FSTL5: variants seen among roughly 807,000 people sequenced by gnomAD.
The protein encoded by FSTL5 is follistatin like 5.
A neutral mutation model predicts 89.1 loss-of-function variants in FSTL5; 62 were observed. The ratio of observed to expected loss-of-function variants is 0.70; its 90% CI spans 0.57 to 0.86. The LOEUF (loss-of-function observed/expected upper bound fraction) is 0.86. Among genes scored for constraint, FSTL5 ranks in the 40% least tolerant of loss-of-function variants. FSTL5 has a pLI of 0.00. For missense variants in FSTL5, 1,057 were observed against 1,001.6 expected (o/e 1.06, Z -0.75); for synonymous variants, 383 against 346.2 (o/e 1.11, Z -1.18).
chr4:161,493,725 G>A (rs546895846), intron 12 of FSTL5, among the ~76,000 whole-genome samples: 70 of 152,028 alleles, frequency 4.6e-4, no homozygotes, highest in Middle Eastern at 3.4e-3. Context: ...TAAAGCGTGC[G>A]GAATGCACTT....
intron 4 of FSTL5, among the ~76,000 whole-genome samples, chr4:161,801,354 C>A (rs1729786102): frequency 6.6e-6 from 1 of 151,394 alleles, no homozygotes; most frequent in South Asian, 2.1e-4. Flanking sequence ...TCATTCAATG[C>A]ATATTTATTT....
intron 7 of FSTL5, among the ~76,000 whole-genome samples, chr4:161,600,975 C>T (rs538103865): frequency 1.4e-4 from 22 of 152,084 alleles, no homozygotes; most frequent in South Asian, 8.3e-4. Context: ...GACAAGACAC[C>T]GGCAATTATT....
chr4:162,118,858 C>G lies in FSTL5; in HGVS notation c.-16-7446G>C, dbSNP rs1731750055. 2.6e-5 allele frequency among the ~76,000 whole-genome samples: 4 copies of G among 151,508 alleles called. No homozygotes were observed. In the South Asian group the frequency reaches 8.4e-4, roughly 32 times the overall value. On this transcript the variant is annotated intron_variant, in intron 1 of 15. Transcript: ENST00000306100. The stretch of plus-strand genomic sequence containing the variant: ...AAGTATTATTGCCTATATATGACTA[C>G]CATAAAGAAAAATAAAAGCTTATAC...
chr4:162,130,202 A>T (rs1208565147), intron 1 of FSTL5, among the ~76,000 whole-genome samples: 1 of 152,152 alleles, frequency 6.6e-6, no homozygotes, highest in Non-Finnish European at 1.5e-5. Flanking sequence ...TTTTGTTTTC[A>T]CTGTCTATGT....
At chr4:161,456,704 T>C (rs1316926824) in intron 14 of FSTL5, among the ~76,000 whole-genome samples, 1 of 152,226 alleles carries the variant, frequency 6.6e-6, no homozygotes, top group Non-Finnish European at 1.5e-5. Flanking sequence ...CAATTATCCA[T>C]GAACATTTTG....
intron 2 of FSTL5, among the ~76,000 whole-genome samples, chr4:162,062,300 A>G (rs142095476): frequency 0.015 from 2,316 of 152,064 alleles, 24 homozygotes; most frequent in Middle Eastern, 0.027. Context: ...TTGAATATGA[A>G]TATATACTAG....
chr4:161,606,826 T>C (rs536488882), intron 7 of FSTL5, among the ~76,000 whole-genome samples: 1 of 152,232 alleles, frequency 6.6e-6, no homozygotes, highest in Non-Finnish European at 1.5e-5. Context: ...TAAATTGCAT[T>C]ACAAGCAAAA....
chr4:162,006,096 CTTTT>C (rs879594907), intron 3 of FSTL5, among the ~76,000 whole-genome samples: 4 of 151,560 alleles, frequency 2.6e-5, no homozygotes, highest in African/African-American at 9.7e-5. Context: ...ATAACATAGG[CTTTT>C]TTTTTAAAAT....
chr4:161,620,835 T>C (rs746191074), intron 7 of FSTL5, among the ~76,000 whole-genome samples: 19 of 152,170 alleles, frequency 1.2e-4, no homozygotes, highest in Non-Finnish European at 2.2e-4. Context: ...AAAGATCTCA[T>C]GATTTAAAAT....
At chr4:161,816,469 AACATTTAT>A (rs1730329642) in intron 4 of FSTL5, among the ~76,000 whole-genome samples, 1 of 152,194 alleles carries the variant, frequency 6.6e-6, no homozygotes, top group Non-Finnish European at 1.5e-5. Context: ...CACACGATGT[AACATTTAT>A]ACATAATCAT....
chr4:161,991,733 C>T (rs768956694), intron 3 of FSTL5, among the ~76,000 whole-genome samples: 5 of 152,030 alleles, frequency 3.3e-5, no homozygotes, highest in Non-Finnish European at 7.4e-5. Flanking sequence ...GCAGGTGTCC[C>T]GGAGCCAATC....
At chr4:161,763,243 A>G (rs1194874954) in intron 5 of FSTL5, among the ~76,000 whole-genome samples, 1 of 152,100 alleles carries the variant, frequency 6.6e-6, no homozygotes, top group African/African-American at 2.4e-5. Context: ...CCCATATGAA[A>G]CTCATATTCT....
At chr4:161,629,220 A>G (rs1479049478) in intron 7 of FSTL5, among the ~76,000 whole-genome samples, 1 of 152,054 alleles carries the variant, frequency 6.6e-6, no homozygotes, top group Non-Finnish European at 1.5e-5. Context: ...ACCACATACT[A>G]CTCTAACTCC....
intron 4 of FSTL5, among the ~76,000 whole-genome samples, chr4:161,833,362 T>C (rs1730914180): frequency 6.6e-6 from 1 of 150,986 alleles, no homozygotes; most frequent in Non-Finnish European, 1.5e-5. Context: ...ATTCTGTTGA[T>C]TTGGGGTGGA....
At chr4:161,571,673 C>T (rs1271963461) in intron 8 of FSTL5, among the ~76,000 whole-genome samples, 2 of 152,158 alleles carry the variant, frequency 1.3e-5, no homozygotes, top group Non-Finnish European at 2.9e-5. Flanking sequence ...CAGGATCCCC[C>T]GGAGGATACA....
chr4:162,087,661 G>A (rs1002296282), intron 2 of FSTL5, among the ~76,000 whole-genome samples: 2 of 152,056 alleles, frequency 1.3e-5, no homozygotes, highest in African/African-American at 2.4e-5. Context: ...ATATTCCATC[G>A]TCATTCGACT....
At chr4:161,481,890 T>C (rs151090908) in intron 12 of FSTL5, among the ~76,000 whole-genome samples, 25 of 152,304 alleles carry the variant, frequency 1.6e-4, no homozygotes, top group African/African-American at 5.5e-4. Context: ...GGAGGAGATA[T>C]GCAAGCCCTT....
At chr4:161,791,272 C>T (rs1279910321) in intron 4 of FSTL5, among the ~76,000 whole-genome samples, 4 of 151,944 alleles carry the variant, frequency 2.6e-5, no homozygotes, top group Non-Finnish European at 2.9e-5. Flanking sequence ...TGAGCAAAAG[C>T]GATCATTTAC....
At chr4:162,136,365 C>T (rs1732521874) in intron 1 of FSTL5, among the ~76,000 whole-genome samples, 1 of 152,004 alleles carries the variant, frequency 6.6e-6, no homozygotes, top group African/African-American at 2.4e-5. Context: ...GAAGGATTCA[C>T]AGGGTCATGA....
Sources: gnomAD v4.1 joint callset for allele counts (sites outside exome capture counted in the v4.1 genomes callset) on GRCh38, gnomAD v4.1.1 for gene constraint, MANE v1.5 for transcripts, NCBI Gene and HGNC (gene_info 2026-07-23, HGNC 2026-07-21) for gene names.